The following EXOC2 variants were observed in gnomAD, a reference collection of about 807,000 sequenced individuals.
EXOC2 encodes the protein exocyst complex component 2, also known as SEC5-like 1.
Under a neutral mutation model 131.8 loss-of-function variants are expected in EXOC2, and 70 were observed. The observed-to-expected ratio is 0.53, with a 90% CI of 0.44 to 0.65. The LOEUF (loss-of-function observed/expected upper bound fraction) is 0.65. Ranked by LOEUF, EXOC2 falls within the 30% of genes least tolerant of loss-of-function variation. The pLI is 0.00. For missense variants in EXOC2, 923 were observed against 1,108.6 expected (o/e 0.83, Z 2.38); for synonymous variants, 411 against 398.4 (o/e 1.03, Z -0.38).
intron 11 of EXOC2, among the ~76,000 whole-genome samples, chr6:590,244 T>G (rs1759466185): frequency 1.3e-5 from 2 of 152,202 alleles, no homozygotes; most frequent in Non-Finnish European, 2.9e-5. Context: ...TTTCTAAATA[T>G]TCCCAAAGAC....
At chr6:590,968 C>G (rs1759508955) in intron 11 of EXOC2, among the ~76,000 whole-genome samples, 1 of 152,204 alleles carries the variant, frequency 6.6e-6, no homozygotes, top group Non-Finnish European at 1.5e-5. Flanking sequence ...CTTTTCTCCC[C>G]TATGTTCCCT....
chr6:665,943 A>G (rs573252850), intron 1 of EXOC2, among the ~76,000 whole-genome samples: 2 of 151,586 alleles, frequency 1.3e-5, no homozygotes, highest in Admixed American at 6.6e-5. Flanking sequence ...AAAAATAAAA[A>G]TAAGAGTCAA....
chr6:566,602 T>C (rs542316910), intron 13 of EXOC2, among the ~76,000 whole-genome samples: 3 of 152,350 alleles, frequency 2.0e-5, no homozygotes, highest in Admixed American at 6.5e-5. Context: ...GTATGGGGTA[T>C]GGGCATCGAG....
At chr6:652,505 C>T (rs563511041) in intron 1 of EXOC2, among the ~76,000 whole-genome samples, 8 of 152,162 alleles carry the variant, frequency 5.3e-5, no homozygotes, top group African/African-American at 1.9e-4. Context: ...ATAAAGGTTG[C>T]CAAGTTAATG....
chr6:601,280 G>A (rs1461530180), intron 7 of EXOC2, among the ~76,000 whole-genome samples: 1 of 97,246 alleles, frequency 1.0e-5, no homozygotes, highest in Non-Finnish European at 2.0e-5. Context: ...AGAACACCCC[G>A]TGTGCGAATC....
intron 1 of EXOC2, chr6:656,541 C>A: frequency 6.2e-7 from 1 of 1,600,950 alleles, no homozygotes; most frequent in Non-Finnish European, 8.5e-7. Context: ...GGGAAGCACC[C>A]GCACGGGCAG....
At position 555,087 on chromosome 6, in the gene EXOC2, T is replaced by C. The variant is rs1581428329; in HGVS notation, c.2054+140A>G. ...CTATGGAAAGAATATAGGTCGAATA[T>C]AAAAAAAAACTATTACTTCGATATG... On this transcript the variant is annotated intron_variant, in intron 20 of 27. Coordinates refer to ENST00000230449, the MANE Select transcript of EXOC2 (RefSeq NM_018303.6). 1.6e-5 allele frequency: 7 copies of C among 433,672 alleles called. No individual in the cohort carries two copies. The East Asian group carries it at 2.5e-4, about 15-fold the overall frequency. The allele number at this position is 433,672 out of a possible 1,614,324, so 26.9% of individuals were successfully genotyped here.
intron 23 of EXOC2, among the ~76,000 whole-genome samples, chr6:502,417 A>G (rs1460537287): frequency 6.6e-6 from 1 of 152,146 alleles, no homozygotes; most frequent in Non-Finnish European, 1.5e-5. Flanking sequence ...AAAGCAGAAA[A>G]TTATACTTAG....
Position 598,237 on chromosome 6 carries a change from C to T in EXOC2, c.971-114G>A, listed in dbSNP as rs73371959. Reference sequence around the variant, plus strand: ...GGTGAGGGCTAAGAGGCACCAGGGCCGTGTCTAGAGTGATCAGAACACTAT... The same window carrying T: ...GGTGAGGGCTAAGAGGCACCAGGGCTGTGTCTAGAGTGATCAGAACACTAT... On this transcript the variant is annotated intron_variant, in intron 9 of 27. Coordinates refer to ENST00000230449, the MANE Select transcript of EXOC2 (RefSeq NM_018303.6). 918 of 731,716 alleles carry T rather than the reference C, an allele frequency of 1.3e-3. 6 individuals carry two copies. In the African/African-American group the frequency reaches 0.015, roughly 12 times the overall value. 45.3% of individuals were successfully genotyped at this position (731,716 alleles called of 1,614,324 possible). A position where few individuals can be genotyped will look rare whatever the true frequency, so the allele number is the denominator to read the frequency against.
At chr6:633,408 C>T (rs180743840) in intron 2 of EXOC2, among the ~76,000 whole-genome samples, 4 of 152,132 alleles carry the variant, frequency 2.6e-5, no homozygotes, top group Non-Finnish European at 5.9e-5. Flanking sequence ...ACTTAGATTA[C>T]GAGAATCTTA....
chr6:548,158 A>G (rs1756958468), intron 22 of EXOC2, among the ~76,000 whole-genome samples: 1 of 152,196 alleles, frequency 6.6e-6, no homozygotes, highest in Non-Finnish European at 1.5e-5. Flanking sequence ...TTTGGCCCCA[A>G]AGGCTTAAGT....
intron 22 of EXOC2, among the ~76,000 whole-genome samples, chr6:541,337 G>C (rs1223306656): frequency 6.6e-6 from 1 of 152,190 alleles, no homozygotes; most frequent in Non-Finnish European, 1.5e-5. Context: ...CACTTAGAGG[G>C]AAATTCACAG....
At chr6:499,430 AAC>A (rs5873755) in intron 24 of EXOC2, among the ~76,000 whole-genome samples, 9,967 of 141,606 alleles carry the variant, frequency 0.07, 392 homozygotes, top group South Asian at 0.18. Flanking sequence ...CTCACAGTTA[AAC>A]ACACACACAC....
intron 1 of EXOC2, among the ~76,000 whole-genome samples, chr6:640,494 G>A (rs1490356387): frequency 6.6e-6 from 1 of 152,152 alleles, no homozygotes; most frequent in Non-Finnish European, 1.5e-5. Context: ...CTCCGCCACT[G>A]CCAAATTTCA....
chr6:604,574 A>AC (rs1760291966), intron 7 of EXOC2, among the ~76,000 whole-genome samples: 2 of 152,206 alleles, frequency 1.3e-5, no homozygotes, highest in Admixed American at 6.5e-5. Context: ...GAATAAAGAC[A>AC]GATTCCACAC....
In EXOC2 at chr6:615,182, G is replaced by GTGTGTGTGT. The variant is rs1561927678; in HGVS notation, c.661+2528_661+2529insACACACACA. On this transcript the variant is annotated intron_variant, in intron 6 of 27. Transcript: ENST00000230449. Reference sequence around the variant, plus strand: ...GGTTTGAAAAGTATATGTGGGTGTGGGTGTGTGTGTGTGTGTGTGTGTGTG... The same window carrying GTGTGTGTGT: ...GGTTTGAAAAGTATATGTGGGTGTGGTGTGTGTGTGTGTGTGTGTGTGTGTGTGTGTGTG... Among the ~76,000 whole-genome samples the GTGTGTGTGT allele has an allele frequency of 2.7e-3, 328 of 121,104 alleles. 2 individuals are homozygous for GTGTGTGTGT. The highest frequency in any genetic ancestry group is 0.024 in the East Asian group (73 of 2,994). 79.4% of individuals were successfully genotyped at this position (121,104 alleles called of 152,430 possible).
chr6:627,872 T>C (rs1254203531), intron 4 of EXOC2, among the ~76,000 whole-genome samples: 8 of 152,230 alleles, frequency 5.3e-5, no homozygotes, highest in Non-Finnish European at 7.3e-5. Context: ...AGTAACAATC[T>C]GTACAGTAAC....
At chr6:499,960 G>A (rs1209170494) in intron 23 of EXOC2, among the ~76,000 whole-genome samples, 4 of 151,506 alleles carry the variant, frequency 2.6e-5, no homozygotes, top group Non-Finnish European at 5.9e-5. Flanking sequence ...GCTCTCAGTC[G>A]GCCTCAAAAT....
At chr6:525,815 GA>G (rs1445587774) in intron 23 of EXOC2, among the ~76,000 whole-genome samples, 1 of 151,864 alleles carries the variant, frequency 6.6e-6, no homozygotes, top group African/African-American at 2.4e-5. Flanking sequence ...TAAAAATGAG[GA>G]AAGAATGAAT....
Sources: allele counts gnomAD v4.1 joint callset (sites outside exome capture counted in the v4.1 genomes callset), GRCh38; gene constraint gnomAD v4.1.1; transcripts MANE v1.5; gene names NCBI Gene and HGNC (gene_info 2026-07-23, HGNC 2026-07-21).